The following RIPOR2 variants were observed in gnomAD, a reference collection of about 807,000 sequenced individuals.
RIPOR2 encodes the protein RHO family interacting cell polarization regulator 2.
A neutral mutation model predicts 114.5 loss-of-function variants in RIPOR2; 39 were observed. The observed-to-expected ratio is 0.34, with a 90% CI of 0.26 to 0.44. RIPOR2 has a LOEUF of 0.44. Among genes scored for constraint, RIPOR2 ranks in the 20% least tolerant of loss-of-function variants. RIPOR2 has a pLI of 1.00. For synonymous variants in RIPOR2, 445 were observed against 484.4 expected (o/e 0.92, Z 1.07); for missense variants, 1,007 against 1,255.1 (o/e 0.80, Z 2.99).
At chr6:24,905,355 A>T (rs546170412) in intron 1 of RIPOR2, among the ~76,000 whole-genome samples, 16 of 151,832 alleles carry the variant, frequency 1.1e-4, no homozygotes, top group African/African-American at 3.9e-4. Flanking sequence ...TTTTTTTCTA[A>T]GCTCCACTTA....
chr6:24,876,701 A>G (rs1339179072), intron 1 of RIPOR2, among the ~76,000 whole-genome samples: 1 of 152,226 alleles, frequency 6.6e-6, no homozygotes, highest in East Asian at 1.9e-4. Context: ...AAAAGATGTG[A>G]TAATCTAGGT....
Position 24,988,669 on chromosome 6 carries a change from T to TTGTG in RIPOR2, c.76+53178_76+53181dup, listed in dbSNP as rs10683468. Reference sequence around the variant, plus strand: ...GCTTGACTTTTTTCCCAACATCTGGTTGTGTGTGTGTGTGTGTGTGTTTAT... The same window carrying TTGTG: ...GCTTGACTTTTTTCCCAACATCTGGTTGTGTGTGTGTGTGTGTGTGTGTGTTTAT... On this transcript the variant is annotated intron_variant, in intron 1 of 13. Coordinates refer to the RIPOR2 transcript ENST00000510784. Among the ~76,000 whole-genome samples, 580 of 150,654 alleles carry TTGTG rather than the reference T, an allele frequency of 3.8e-3. 1 individual carries two copies. The highest frequency in any genetic ancestry group is 0.01 in the African/African-American group (428 of 41,100).
chr6:24,839,935 C>CTTTTTTTTTTTTTTTTTTTTTTT (rs760508182), intron 13 of RIPOR2: 1 of 318,834 alleles, frequency 3.1e-6, no homozygotes, highest in African/African-American at 5.6e-5. Flanking sequence ...AGCCCTGCAT[C>CTTTTTTTTTTTTTTTTTTTTTTT]TTTTTTTTTT....
intron 19 of RIPOR2, among the ~76,000 whole-genome samples, chr6:24,821,783 C>T (rs1027805925): frequency 7.2e-5 from 11 of 152,208 alleles, no homozygotes; most frequent in African/African-American, 2.2e-4. Flanking sequence ...GTGCCACTTG[C>T]CATCAACCCC....
chr6:25,027,151 A>T (rs1463536779), intron 1 of RIPOR2, among the ~76,000 whole-genome samples: 1 of 152,226 alleles, frequency 6.6e-6, no homozygotes, highest in Admixed American at 6.6e-5. Flanking sequence ...ATAATAATAA[A>T]AAATAATTTA....
chr6:24,877,133 C>T, intron 1 of RIPOR2: 1 of 985,440 alleles, frequency 1.0e-6, no homozygotes, highest in Non-Finnish European at 1.2e-6. Context: ...ACAACAGCAG[C>T]AGAACTCTCT....
chr6:24,976,969 A>G, intron 1 of RIPOR2: 4 of 1,548,544 alleles, frequency 2.6e-6, no homozygotes, highest in Non-Finnish European at 2.6e-6. Context: ...CTGACTGTGG[A>G]CAACTCGAAT....
chr6:24,875,824 G>A lies in RIPOR2; in HGVS notation c.62-7C>T, dbSNP rs1205678441. On this transcript the variant is annotated splice_polypyrimidine_tract_variant and splice_region_variant and intron_variant, in intron 1 of 21. Coordinates refer to ENST00000643898, the MANE Select transcript of RIPOR2 (RefSeq NM_001286445.3). ...GGGAGTCTGGTCGGTAGTCCTAGAA[G>A]ACAGTGGAAAGATCATGACAATTTA... 18 of 1,599,308 alleles carry A rather than the reference G, an allele frequency of 1.1e-5. No individual in the cohort carries two copies. Among genetic ancestry groups the A allele is most frequent in the Non-Finnish European group, 1.5e-5 (18 of 1,172,548 alleles).
chr6:25,001,902 G>T (rs374697234), intron 1 of RIPOR2, among the ~76,000 whole-genome samples: 91 of 151,752 alleles, frequency 6.0e-4, no homozygotes, highest in African/African-American at 2.2e-3. Context: ...TAGAGATGGG[G>T]TTTCACCATG....
chr6:24,893,913 G>A (rs1315764884), intron 1 of RIPOR2, among the ~76,000 whole-genome samples: 2 of 152,332 alleles, frequency 1.3e-5, no homozygotes, highest in African/African-American at 2.4e-5. Flanking sequence ...CGCAATTTGA[G>A]CCAACTGGAA....
At chr6:25,027,288 G>A (rs1055742264) in intron 1 of RIPOR2, among the ~76,000 whole-genome samples, 4 of 152,128 alleles carry the variant, frequency 2.6e-5, no homozygotes, top group East Asian at 1.9e-4. Flanking sequence ...ATCGAGAAGC[G>A]AAGAAAAGCA....
Position 24,818,584 on chromosome 6 carries a change from G to T in RIPOR2, c.2910C>A (p.Leu970=). 1 of 1,550,794 alleles carries T rather than the reference G, an allele frequency of 6.4e-7. No individual in the cohort carries two copies. The highest frequency in any genetic ancestry group is 8.7e-7 in the Non-Finnish European group (1 of 1,146,382). ...YYCEALTKTN[L]QLQKAACLAL... Reference sequence around the variant, plus strand: ...CCAGGCAAGCTGCTTTCTGGAGCTGGAGGTTTGTCTTTGTTAGTGCTTCAC... The same window carrying T: ...CCAGGCAAGCTGCTTTCTGGAGCTGTAGGTTTGTCTTTGTTAGTGCTTCAC... The change falls in exon 20 of 22, where the codon CTC becomes CTA. Residue 970 remains leucine (L), a synonymous_variant. Coordinates refer to ENST00000643898, the MANE Select transcript of RIPOR2 (RefSeq NM_001286445.3).
intron 1 of RIPOR2, among the ~76,000 whole-genome samples, chr6:24,927,364 A>G (rs554091611): frequency 6.9e-6 from 1 of 145,350 alleles, no homozygotes; most frequent in African/African-American, 2.6e-5. Context: ...CGTGAATATC[A>G]TCATCATCAC....
Position 24,830,609 on chromosome 6 carries a change from AG to A in RIPOR2, c.2405del (p.Pro802LeufsTer12). The A allele has an allele frequency of 6.4e-7, 1 of 1,551,584 alleles. No individual in the cohort carries two copies. Among genetic ancestry groups the A allele is most frequent in the Non-Finnish European group, 8.7e-7 (1 of 1,146,976 alleles). ...CCGCTGGGCTGTGGTAGACACCAAC[AG>A]GGCTGCAGCACTTGGTCCAGAATGA... The part of the protein sequence containing the change: ...LLSFWTKCCS[P>X]VGVYHSPADR... On this transcript the variant is annotated frameshift_variant, in exon 17 of 22. Transcript: ENST00000643898. LOFTEE classifies it high-confidence loss of function.
intron 1 of RIPOR2, among the ~76,000 whole-genome samples, chr6:24,963,311 G>A (rs1773388273): frequency 1.3e-5 from 2 of 152,178 alleles, no homozygotes; most frequent in Non-Finnish European, 2.9e-5. Flanking sequence ...GGGATTACAG[G>A]CATGAGTCAC....
intron 1 of RIPOR2, among the ~76,000 whole-genome samples, chr6:24,957,013 C>T (rs662629): frequency 0.79 from 120,865 of 152,214 alleles, 51,590 homozygotes; most frequent in East Asian, 0.96. Flanking sequence ...TTGTTTCTGC[C>T]TCTGTCTTCT....
chr6:24,945,719 C>G (rs1772371422), intron 1 of RIPOR2, among the ~76,000 whole-genome samples: 1 of 151,810 alleles, frequency 6.6e-6, no homozygotes, highest in Non-Finnish European at 1.5e-5. Context: ...ATTGTAATCC[C>G]CAAGGCGATC....
intron 20 of RIPOR2, among the ~76,000 whole-genome samples, chr6:24,810,711 A>G (rs759763538): frequency 1.1e-4 from 16 of 152,230 alleles, no homozygotes; most frequent in Non-Finnish European, 2.2e-4. Flanking sequence ...ATATCAGGAA[A>G]GCACCCAAAT....
At chr6:24,848,922 G>C (rs539282852) in intron 11 of RIPOR2, among the ~76,000 whole-genome samples, 1 of 152,022 alleles carries the variant, frequency 6.6e-6, no homozygotes, top group African/African-American at 2.4e-5. Context: ...TGTTTTTTTG[G>C]AGATGGAGTT....
Sources: allele counts gnomAD v4.1 joint callset (sites outside exome capture counted in the v4.1 genomes callset), GRCh38; gene constraint gnomAD v4.1.1; transcripts MANE v1.5; gene names NCBI Gene and HGNC (gene_info 2026-07-23, HGNC 2026-07-21).